The following GNG4 variants were observed in gnomAD, a reference collection of about 807,000 sequenced individuals.
The protein encoded by GNG4 is G protein subunit gamma 4.
GNG4 carries 4 observed loss-of-function variants against 5.8 expected under a neutral mutation model. The observed-to-expected ratio is 0.69, with a 90% CI of 0.34 to 1.57. The LOEUF is 1.57. GNG4 is among the 40% of genes most tolerant of loss of function. The pLI is 0.06. For synonymous variants in GNG4, 29 were observed against 32.9 expected, an observed-to-expected ratio of 0.88 and a Z score of 0.41; for missense variants, 96 against 95.1, an observed-to-expected ratio of 1.01 and a Z score of -0.04.
At chr1:235,563,197 C>T (rs749935526) in intron 3 of GNG4, among the ~76,000 whole-genome samples, 15 of 151,600 alleles carry the variant, frequency 9.9e-5, no homozygotes, top group East Asian at 5.8e-4. Flanking sequence ...CTGAGGTGGG[C>T]GGGTCACTTA....
intron 3 of GNG4, among the ~76,000 whole-genome samples, chr1:235,563,408 A>C (rs1433275339): frequency 4.3e-5 from 4 of 93,112 alleles, no homozygotes; most frequent in African/African-American, 2.0e-4. Context: ...TGTCTCAAAA[A>C]AAAAAAAAAA....
intron 3 of GNG4, among the ~76,000 whole-genome samples, chr1:235,553,585 G>C (rs1686813491): frequency 6.6e-6 from 1 of 152,174 alleles, no homozygotes. Context: ...AGATTCTTCT[G>C]ATTTTCAGAC....
intron 1 of GNG4, among the ~76,000 whole-genome samples, chr1:235,604,456 C>T (rs1049656684): frequency 2.0e-4 from 31 of 152,344 alleles, no homozygotes; most frequent in Admixed American, 2.6e-4. Flanking sequence ...AGTCCAAAAT[C>T]AAGGTGTTGG....
At chr1:235,588,046 C>T (rs1247264823) in intron 2 of GNG4, among the ~76,000 whole-genome samples, 2 of 151,822 alleles carry the variant, frequency 1.3e-5, no homozygotes, top group Admixed American at 6.6e-5. Context: ...GCAGCTGCGC[C>T]CACCTCTCTC....
At position 235,644,196 on chromosome 1, in the gene GNG4, T is replaced by C. The variant is rs569091960; in HGVS notation, c.-123+5466A>G. Among the ~76,000 whole-genome samples, 32 of 152,312 alleles carry C rather than the reference T, an allele frequency of 2.1e-4. No homozygotes were observed. Among genetic ancestry groups the C allele is most frequent in the Admixed American group, 1.4e-3 (21 of 15,300 alleles). On this transcript the variant is annotated intron_variant, in intron 1 of 3. Transcript: ENST00000391854. The surrounding 1 kb of genome is among the most constrained non-coding windows in gnomAD (Gnocchi z 5.9). The stretch of plus-strand genomic sequence containing the variant: ...CAGATCAGCAAAAGAGGCCAGTGAC[T>C]CTGTCTCCATCAGATAAAATTCAGC...
In GNG4 at chr1:235,548,799, C is replaced by T. The variant is rs1178173626; in HGVS notation, c.*3310G>A. The T allele has an allele frequency of 6.6e-6, 1 of 152,240 alleles. No homozygotes were observed. The highest frequency in any genetic ancestry group is 1.5e-5 in the Non-Finnish European group (1 of 68,060). 9.4% of individuals were successfully genotyped at this position (152,240 alleles called of 1,614,324 possible). A position where few individuals can be genotyped will look rare whatever the true frequency, so the allele number is the denominator to read the frequency against. ...GTCCCCACAGCTGCACTCCACAATGCAAGCAGGCTTTATTCCATTCATCTT... is the reference window on the plus strand; with the variant it reads ...GTCCCCACAGCTGCACTCCACAATGTAAGCAGGCTTTATTCCATTCATCTT... On this transcript the variant is annotated 3_prime_UTR_variant, in exon 4 of 4. Transcript: ENST00000391854.
At chr1:235,624,514 AT>A (rs1688772577) in intron 1 of GNG4, among the ~76,000 whole-genome samples, 1 of 152,098 alleles carries the variant, frequency 6.6e-6, no homozygotes. Flanking sequence ...TTTCCATTTC[AT>A]TTTTTAACTG....
At position 235,648,690 on chromosome 1, in the gene GNG4, C is replaced by G. The variant is rs750126498; in HGVS notation, c.-123+972G>C. Among the ~76,000 whole-genome samples the G allele has an allele frequency of 1.3e-5, 2 of 152,230 alleles. No homozygotes were observed. The highest frequency in any genetic ancestry group is 2.9e-5 in the Non-Finnish European group (2 of 68,044). On this transcript the variant is annotated intron_variant, in intron 1 of 3. Transcript: ENST00000391854. The surrounding 1 kb of genome is among the most constrained non-coding windows in gnomAD (Gnocchi z 5.0). ...GACTGGCACGTTTTAATGGAGCACA[C>G]GGGCGCAGCCTAGGCGGCCTTTTGC...
At chr1:235,554,845 CAAAAAA>C (rs34093722) in intron 3 of GNG4, among the ~76,000 whole-genome samples, 1 of 84,404 alleles carries the variant, frequency 1.2e-5, no homozygotes, top group African/African-American at 4.7e-5. Flanking sequence ...AACTCCATCT[CAAAAAA>C]AAAAAAAAAA....
intron 1 of GNG4, among the ~76,000 whole-genome samples, chr1:235,628,784 C>CTT (rs1232759101): frequency 6.6e-6 from 1 of 152,142 alleles, no homozygotes; most frequent in Non-Finnish European, 1.5e-5. Context: ...GGTGGTGGCC[C>CTT]TTTTTAAAGA....
At chr1:235,629,319 T>A (rs144084661) in intron 1 of GNG4, among the ~76,000 whole-genome samples, 93 of 152,082 alleles carry the variant, frequency 6.1e-4, no homozygotes, top group African/African-American at 2.2e-3. Flanking sequence ...CAAGTTGGGA[T>A]AACTCTTCTG....
chr1:235,624,799 C>A (rs1156245405), intron 1 of GNG4, among the ~76,000 whole-genome samples: 1 of 152,210 alleles, frequency 6.6e-6, no homozygotes, highest in Non-Finnish European at 1.5e-5. Flanking sequence ...CTACCATTTC[C>A]TCTCCCAGCT....
chr1:235,627,372 G>A (rs1314417740), intron 1 of GNG4, among the ~76,000 whole-genome samples: 8 of 152,036 alleles, frequency 5.3e-5, no homozygotes, highest in Non-Finnish European at 7.4e-5. Context: ...ACAGGTGTCC[G>A]CCACCATGCC....
chr1:235,637,611 A>G (rs4391655), intron 1 of GNG4, among the ~76,000 whole-genome samples: 97,277 of 150,114 alleles, frequency 0.65, 31,732 homozygotes, highest in East Asian at 0.88. Flanking sequence ...CCGAGATTGC[A>G]CCACTGCACT....
intron 3 of GNG4, among the ~76,000 whole-genome samples, chr1:235,570,896 ATG>A (rs201379503): frequency 0.09 from 11,442 of 127,536 alleles, 656 homozygotes; most frequent in Non-Finnish European, 0.12. Context: ...GTATGTATAT[ATG>A]TGTGTGTGTG....
chr1:235,562,115 A>T (rs1442510213), intron 3 of GNG4, among the ~76,000 whole-genome samples: 1 of 152,202 alleles, frequency 6.6e-6, no homozygotes, highest in Non-Finnish European at 1.5e-5. Context: ...TCAGCTGGCT[A>T]TATTTACATG....
chr1:235,584,585 A>G (rs539432878), intron 2 of GNG4, among the ~76,000 whole-genome samples: 1 of 152,324 alleles, frequency 6.6e-6, no homozygotes, highest in East Asian at 1.9e-4. Flanking sequence ...TATTTTCTAG[A>G]GGGAGGCAGA....
chr1:235,616,132 C>T, intron 1 of GNG4: 1 of 482,000 alleles, frequency 2.1e-6, no homozygotes, highest in South Asian at 1.5e-5. Flanking sequence ...TTCTTCAACC[C>T]CCTTCCGCCT....
intron 2 of GNG4, among the ~76,000 whole-genome samples, chr1:235,590,873 G>A (rs1355097297): frequency 6.6e-6 from 1 of 152,174 alleles, no homozygotes; most frequent in African/African-American, 2.4e-5. Flanking sequence ...GGACGCATAG[G>A]ATGTCTCATG....
Sources: allele counts gnomAD v4.1 joint callset (sites outside exome capture counted in the v4.1 genomes callset), GRCh38; gene constraint gnomAD v4.1.1; non-coding constraint Gnocchi (gnomAD v3.1); transcripts MANE v1.5; gene names NCBI Gene and HGNC (gene_info 2026-07-23, HGNC 2026-07-21).